Variants in MME observed in about 807,000 individuals in gnomAD.
MME encodes neprilysin.
A neutral mutation model predicts 113.2 loss-of-function variants in MME; 98 were observed. The ratio of observed to expected loss-of-function variants is 0.87; its 90% CI spans 0.74 to 1.02. The LOEUF (loss-of-function observed/expected upper bound fraction) is 1.02, where lower values mean the gene tolerates loss of function less well. MME is among the 50% of genes least tolerant of loss of function. MME has a pLI of 0.00. For synonymous variants in MME, 292 were observed against 300.6 expected (o/e 0.97, Z 0.30); for missense variants, 836 against 896.0 (o/e 0.93, Z 0.86).
At chr3:155,179,192 G>A (rs1466923130) in intron 22 of MME, among the ~76,000 whole-genome samples, 7 of 152,168 alleles carry the variant, frequency 4.6e-5, no homozygotes, top group Non-Finnish European at 1.0e-4. Flanking sequence ...TCTGAAGAGG[G>A]ACAGGGTTTG....
At chr3:155,087,302 A>C (rs1715849976) in intron 3 of MME, among the ~76,000 whole-genome samples, 1 of 148,698 alleles carries the variant, frequency 6.7e-6, no homozygotes, top group South Asian at 2.1e-4. Context: ...TCTGGGTCAC[A>C]AGAGCAATGA....
Position 155,070,785 on chromosome 3 carries a change from T to C in MME, c.-10-13373T>C, listed in dbSNP as rs548336867. 5.9e-5 allele frequency among the ~76,000 whole-genome samples: 9 copies of C among 152,312 alleles called. 1 individual carries two copies. Among genetic ancestry groups the C allele is most frequent in the African/African-American group, 2.2e-4 (9 of 41,570 alleles). ...AGAAGACGCATTTCTTCACCTTGCT[T>C]GTCCTAGTTTTGATTATCTGGAATC... On this transcript the variant is annotated intron_variant, in intron 1 of 22. Coordinates refer to the MME transcript ENST00000492661.
At chr3:155,031,863 T>G (rs1245124522) in intron 1 of MME, among the ~76,000 whole-genome samples, 1 of 152,214 alleles carries the variant, frequency 6.6e-6, no homozygotes, top group Non-Finnish European at 1.5e-5. Flanking sequence ...TTTGCCATGT[T>G]TGGCAGGCCG....
At chr3:155,157,914 T>G (rs1168886591) in intron 16 of MME, among the ~76,000 whole-genome samples, 1 of 152,076 alleles carries the variant, frequency 6.6e-6, no homozygotes, top group African/African-American at 2.4e-5. Context: ...TATGCAAAAC[T>G]CTCCCTGCTG....
chr3:155,085,289 A>G (rs1715583427), intron 3 of MME, 195 bp downstream of exon 3: 3 of 475,348 alleles, frequency 6.3e-6, no homozygotes, highest in East Asian at 6.8e-5. Context: ...TGAAAAATAT[A>G]TTACTATTTT....
rs575863741 is a variant in MME at position 155,115,275 on chromosome 3, C to T, written c.358+120C>T. ...GAAGATTAAAAAGTTAATAATCCTT[C>T]CAGGATTTGTGTACCACCACCAAGT... On this transcript the variant is annotated intron_variant, in intron 4 of 22. Coordinates refer to ENST00000360490, the MANE Select transcript of MME (RefSeq NM_007289.4). The T allele has an allele frequency of 4.0e-6, 5 of 1,260,484 alleles. No homozygotes were observed. The East Asian group carries it at 1.2e-4, about 31-fold the overall frequency. 78.1% of individuals were successfully genotyped at this position (1,260,484 alleles called of 1,614,324 possible).
At chr3:155,037,267 A>G (rs145452737) in intron 1 of MME, among the ~76,000 whole-genome samples, 3 of 152,342 alleles carry the variant, frequency 2.0e-5, no homozygotes, top group African/African-American at 7.2e-5. Flanking sequence ...TTTATTGTAA[A>G]TACTGGAAGT....
chr3:155,044,282 G>T (rs1310729453), intron 1 of MME, among the ~76,000 whole-genome samples: 2 of 150,244 alleles, frequency 1.3e-5, no homozygotes, highest in African/African-American at 2.4e-5. Flanking sequence ...ACAGGTGCAC[G>T]CCAGGACACC....
chr3:155,140,051 GACAAA>G, intron 9 of MME, 135 bp from the exon 10 acceptor site: 1 of 508,068 alleles, frequency 2.0e-6, no homozygotes, highest in Middle Eastern at 5.8e-4. Flanking sequence ...TTTTTGAAAT[GACAAA>G]ACAAATTACA....
rs538520583 is a variant in MME, at chr3:155,150,587, A to G, written c.1601+1934A>G. Among the ~76,000 whole-genome samples the G allele has an allele frequency of 4.1e-4, 63 of 152,254 alleles. No homozygotes were observed. In the South Asian group the frequency reaches 0.012, roughly 29 times the overall value. ...CAAAGGTTCAAAACTCTAGCTGCAC[A>G]TGATAATCACCTGGGGAACATTTTA... On this transcript the variant is annotated intron_variant, in intron 16 of 22. Coordinates refer to ENST00000360490, the MANE Select transcript of MME (RefSeq NM_007289.4).
chr3:155,048,032 A>G (rs1482612000), intron 1 of MME, among the ~76,000 whole-genome samples: 2 of 152,102 alleles, frequency 1.3e-5, no homozygotes, highest in African/African-American at 4.8e-5. Flanking sequence ...GCTTTATTCC[A>G]GGGGGCATTA....
intron 4 of MME, among the ~76,000 whole-genome samples, chr3:155,115,428 T>C (rs952219916): frequency 2.0e-5 from 3 of 152,086 alleles, no homozygotes; most frequent in Admixed American, 1.3e-4. Flanking sequence ...TTTTTGTTTG[T>C]TTGTTTGTTT....
At chr3:155,026,540 A>G (rs1486422579) in intron 1 of MME, among the ~76,000 whole-genome samples, 1 of 152,178 alleles carries the variant, frequency 6.6e-6, no homozygotes, top group African/African-American at 2.4e-5. Flanking sequence ...CTTGGGCAAC[A>G]TGGTGAAATC....
At chr3:155,072,154 C>T (rs918711836) in intron 1 of MME, among the ~76,000 whole-genome samples, 1 of 117,622 alleles carries the variant, frequency 8.5e-6, no homozygotes, top group East Asian at 2.6e-4. Flanking sequence ...GGCGACAGAG[C>T]GAGACTCCGT....
Position 155,144,218 on chromosome 3 carries a change from A to G in MME, c.1318-141A>G, listed in dbSNP as rs1576639764. ...AATATAATGGTCCCATATATCTGTT[A>G]GCTTAGGTCACAGTTTGTCTATAAA... On this transcript the variant is annotated intron_variant, in intron 13 of 22. Transcript: ENST00000360490. The G allele has an allele frequency of 1.3e-5, 9 of 681,066 alleles. No homozygotes were observed. The East Asian group carries it at 2.4e-4, about 18-fold the overall frequency. 42.2% of individuals were successfully genotyped at this position (681,066 alleles called of 1,614,324 possible). A position where few individuals can be genotyped will look rare whatever the true frequency, so the allele number is the denominator to read the frequency against.
intron 1 of MME, among the ~76,000 whole-genome samples, chr3:155,055,090 G>A (rs1447438536): frequency 6.6e-6 from 1 of 152,174 alleles, no homozygotes; most frequent in East Asian, 1.9e-4. Flanking sequence ...CAACAGAGGG[G>A]TATTTATGTG....
intron 1 of MME, among the ~76,000 whole-genome samples, chr3:155,061,007 C>T (rs1714118498): frequency 1.3e-5 from 2 of 152,148 alleles, no homozygotes; most frequent in Non-Finnish European, 2.9e-5. Context: ...TTTGGTTTCA[C>T]TGTACTAATT....
intron 3 of MME, among the ~76,000 whole-genome samples, chr3:155,102,589 A>C (rs1003658051): frequency 1.3e-5 from 2 of 152,182 alleles, no homozygotes; most frequent in African/African-American, 4.8e-5. Flanking sequence ...TTGGCAGGGC[A>C]TGTGTTAACA....
At chr3:155,141,128 A>G (rs2108310099) in intron 10 of MME, among the ~76,000 whole-genome samples, 1 of 152,304 alleles carries the variant, frequency 6.6e-6, no homozygotes, top group Non-Finnish European at 1.5e-5. Context: ...ACAAACTACC[A>G]CATTCAGCGA....
Sources: gnomAD v4.1 joint callset for allele counts (sites outside exome capture counted in the v4.1 genomes callset) on GRCh38, gnomAD v4.1.1 for gene constraint, MANE v1.5 for transcripts, NCBI Gene and HGNC (gene_info 2026-07-23, HGNC 2026-07-21) for gene names.